The following RASSF5 variants were observed in gnomAD, a reference collection of about 807,000 sequenced individuals.
RASSF5 encodes the protein Ras association domain family member 5, also known as ras association domain-containing protein 5.
Under a neutral mutation model 40.5 loss-of-function variants are expected in RASSF5, and 25 were observed. That is an observed-to-expected ratio of 0.62 (90% CI 0.45 to 0.86). The LOEUF (loss-of-function observed/expected upper bound fraction) is 0.86, where lower values mean the gene tolerates loss of function less well. Among genes scored for constraint, RASSF5 ranks in the 40% least tolerant of loss-of-function variants. RASSF5 has a pLI of 0.00. For synonymous variants in RASSF5, 246 were observed against 252.4 expected, an observed-to-expected ratio of 0.97 and a Z score of 0.24; for missense variants, 521 against 572.8, an observed-to-expected ratio of 0.91 and a Z score of 0.92.
At chr1:206,516,581 T>C (rs1305437622) in intron 1 of RASSF5, among the ~76,000 whole-genome samples, 2 of 152,082 alleles carry the variant, frequency 1.3e-5, no homozygotes, top group Admixed American at 1.3e-4. Flanking sequence ...CTCAGCCTCT[T>C]GAGTAGCTGG....
chr1:206,558,942 G>A (rs1368364419), intron 2 of RASSF5, among the ~76,000 whole-genome samples: 3 of 152,142 alleles, frequency 2.0e-5, no homozygotes, highest in Admixed American at 1.3e-4. Context: ...CCACCCTCCC[G>A]TGGGGTTCTT....
intron 1 of RASSF5, among the ~76,000 whole-genome samples, chr1:206,517,807 G>A (rs1553395609): frequency 6.6e-6 from 1 of 152,152 alleles, no homozygotes; most frequent in Non-Finnish European, 1.5e-5. Context: ...GGTCACATCC[G>A]CTTCTGCTCA....
chr1:206,508,060 G>A lies in RASSF5; in HGVS notation c.457+1G>A. ...CTGCGGCAGGCGCTGCGCTGCACTA[G>A]TAAGTGTGAAGGCAGGGGAGGGGCG... is the stretch of plus-strand genomic sequence containing the variant. On this transcript the variant is annotated splice_donor_variant, in intron 1 of 5. Coordinates refer to ENST00000579436, the MANE Select transcript of RASSF5 (RefSeq NM_182663.4). LOFTEE classifies it high-confidence loss of function. The A allele has an allele frequency of 1.4e-6, 2 of 1,390,636 alleles. No homozygotes were observed. The highest frequency in any genetic ancestry group is 1.9e-6 in the Non-Finnish European group (2 of 1,072,376). 86.1% of individuals were successfully genotyped at this position (1,390,636 alleles called of 1,614,324 possible). A position where few individuals can be genotyped will look rare whatever the true frequency, so the allele number is the denominator to read the frequency against.
intron 2 of RASSF5, 149 bp from the exon 3 acceptor site, chr1:206,583,120 T>C (rs1217670651): frequency 8.4e-6 from 5 of 592,238 alleles, no homozygotes; most frequent in African/African-American, 1.9e-5. Context: ...GACCTCTCAT[T>C]GTCTCACTCC....
chr1:206,538,531 T>C (rs1423134907), intron 2 of RASSF5, among the ~76,000 whole-genome samples: 2 of 152,226 alleles, frequency 1.3e-5, no homozygotes, highest in African/African-American at 4.8e-5. Context: ...CTATTGTGGC[T>C]TAGGGCTCTG....
At chr1:206,550,587 G>A (rs1667812487) in intron 2 of RASSF5, among the ~76,000 whole-genome samples, 1 of 152,226 alleles carries the variant, frequency 6.6e-6, no homozygotes, top group Non-Finnish European at 1.5e-5. Context: ...GGGGACACCA[G>A]TGTGGTTGTT....
chr1:206,534,700 A>T (rs550167748), intron 1 of RASSF5, among the ~76,000 whole-genome samples: 1 of 152,170 alleles, frequency 6.6e-6, no homozygotes, highest in South Asian at 2.1e-4. Context: ...CTCTGTTGTT[A>T]GTTATCTTTT....
Position 206,584,364 on chromosome 1 carries a change from CT to C in RASSF5, c.691-22del, listed in dbSNP as rs1394375196. 19 of 1,594,644 alleles carry C rather than the reference CT, an allele frequency of 1.2e-5. No individual in the cohort carries two copies. The highest frequency in any genetic ancestry group is 1.6e-5 in the Non-Finnish European group (19 of 1,169,590). ...ATGCAAGGCGGACGGCCCTGACCCC[CT>C]GTGACATGCCCCCGCTGGCAGAGTG... On this transcript the variant is annotated intron_variant, in intron 3 of 5. Coordinates refer to ENST00000579436, the MANE Select transcript of RASSF5 (RefSeq NM_182663.4). The surrounding 1 kb of genome is among the most constrained non-coding windows in gnomAD (Gnocchi z 4.9).
At chr1:206,536,678 AGAAG>A (rs1233347935) in intron 1 of RASSF5, among the ~76,000 whole-genome samples, 3 of 152,184 alleles carry the variant, frequency 2.0e-5, no homozygotes, top group Non-Finnish European at 2.9e-5. Context: ...GGAGCTTGTT[AGAAG>A]GAAGGAAAAG....
chr1:206,557,233 G>T, intron 2 of RASSF5: 1 of 1,093,196 alleles, frequency 9.1e-7, no homozygotes, highest in Non-Finnish European at 1.1e-6. Context: ...CGCTCTGCAC[G>T]GCGGCGGAGG....
In RASSF5 at chr1:206,531,411, G is replaced by C. The variant is rs1362443345; in HGVS notation, c.458-6761G>C. 6.6e-6 allele frequency among the ~76,000 whole-genome samples: 1 copy of C among 152,216 alleles called. No individual in the cohort carries two copies. ...CTGTGTCTATTGTATGAGAACCTGA[G>C]TCTGAAGGGACATCTTGGGGCCAGG... On this transcript the variant is annotated intron_variant, in intron 1 of 5. Transcript: ENST00000579436. The surrounding 1 kb of genome is among the most constrained non-coding windows in gnomAD (Gnocchi z 4.7).
At chr1:206,523,627 A>T (rs1328804558) in intron 1 of RASSF5, among the ~76,000 whole-genome samples, 2 of 103,098 alleles carry the variant, frequency 1.9e-5, no homozygotes, top group Non-Finnish European at 3.7e-5. Flanking sequence ...TAAAATATAT[A>T]AAATATATTA....
At chr1:206,529,566 G>A (rs539301800) in intron 1 of RASSF5, 2 of 835,194 alleles carry the variant, frequency 2.4e-6, no homozygotes, top group Admixed American at 1.7e-5. Context: ...GCTGGTGGAA[G>A]CTATCAGGAC....
At chr1:206,538,516 A>G (rs1381130783) in intron 2 of RASSF5, among the ~76,000 whole-genome samples, 1 of 152,246 alleles carries the variant, frequency 6.6e-6, no homozygotes, top group Admixed American at 6.5e-5. Flanking sequence ...CCCCAAGTAC[A>G]GAGCCTATTG....
intron 2 of RASSF5, among the ~76,000 whole-genome samples, chr1:206,575,977 G>T (rs1668634073): frequency 1.3e-5 from 2 of 152,308 alleles, no homozygotes; most frequent in South Asian, 4.1e-4. Flanking sequence ...GACTCCCCAG[G>T]CTGTCTTGCC....
chr1:206,520,561 C>T (rs569881338), intron 1 of RASSF5, among the ~76,000 whole-genome samples: 18 of 150,162 alleles, frequency 1.2e-4, no homozygotes, highest in Middle Eastern at 3.4e-3. Context: ...AAGCCAAAAT[C>T]GCGCCACTGC....
intron 1 of RASSF5, among the ~76,000 whole-genome samples, chr1:206,534,947 C>A (rs912053783): frequency 6.6e-6 from 1 of 152,178 alleles, no homozygotes; most frequent in Non-Finnish European, 1.5e-5. Context: ...AACTGAGCAC[C>A]TGGCCGGGTG....
At chr1:206,541,544 C>T (rs886597516) in intron 2 of RASSF5, among the ~76,000 whole-genome samples, 1 of 152,188 alleles carries the variant, frequency 6.6e-6, no homozygotes, top group South Asian at 2.1e-4. Context: ...TTGTCAACCA[C>T]AGAAATGAGG....
chr1:206,574,945 T>C (rs1056307796), intron 2 of RASSF5, among the ~76,000 whole-genome samples: 2 of 149,296 alleles, frequency 1.3e-5, no homozygotes, highest in Admixed American at 6.8e-5. Flanking sequence ...ATGCAACCTC[T>C]GCCTCCCAGG....
Sources: allele counts gnomAD v4.1 joint callset (sites outside exome capture counted in the v4.1 genomes callset), GRCh38; gene constraint gnomAD v4.1.1; non-coding constraint Gnocchi (gnomAD v3.1); transcripts MANE v1.5; gene names NCBI Gene and HGNC (gene_info 2026-07-23, HGNC 2026-07-21).